Variants in ACSL3 observed in about 807,000 individuals in gnomAD.
The protein encoded by ACSL3 is fatty acid CoA ligase Acsl3.
Under a neutral mutation model 84.7 loss-of-function variants are expected in ACSL3, and 34 were observed. That is an observed-to-expected ratio of 0.40 (90% CI 0.31 to 0.53). The LOEUF (loss-of-function observed/expected upper bound fraction) is 0.53. Ranked by LOEUF, ACSL3 falls within the 20% of genes least tolerant of loss-of-function variation. The pLI is 0.48. For synonymous variants in ACSL3, 315 were observed against 299.4 expected, an observed-to-expected ratio of 1.05 and a Z score of -0.54; for missense variants, 680 against 873.1, an observed-to-expected ratio of 0.78 and a Z score of 2.79.
Position 222,934,698 on chromosome 2 carries a change from G to A in ACSL3, c.2005+11G>A, listed in dbSNP as rs774046124. 3.7e-6 allele frequency: 6 copies of A among 1,602,116 alleles called. No homozygotes were observed. The highest frequency in any genetic ancestry group is 2.7e-5 in the African/African-American group (2 of 74,470). Reference sequence around the variant, plus strand: ...AAGCTGCTATTTCAGGTGAGTATTCGGTTAAACTGATACTAAAAACTGAGA... The same window carrying A: ...AAGCTGCTATTTCAGGTGAGTATTCAGTTAAACTGATACTAAAAACTGAGA... On this transcript the variant is annotated intron_variant, in intron 16 of 16. Transcript: ENST00000357430.
rs1380809972 is a variant in ACSL3, at chr2:222,909,030, T to C, written c.258T>C (p.Asp86=). The change falls in exon 4 of 17, where the codon GAT becomes GAC. Residue 86 remains aspartate (D), a synonymous_variant. Coordinates refer to ENST00000357430, the MANE Select transcript of ACSL3 (RefSeq NM_004457.5). ...CTTCAGTATTATACCCTGGATGTGA[T>C]ACTTTAGATAAAGTTTTTACATATG... is the stretch of plus-strand genomic sequence containing the variant. The part of the protein sequence containing the change: ...GLASVLYPGC[D]TLDKVFTYAK... 1.9e-6 allele frequency: 3 copies of C among 1,613,582 alleles called. No individual in the cohort carries two copies. The highest frequency in any genetic ancestry group is 2.5e-6 in the Non-Finnish European group (3 of 1,179,860).
At chr2:222,921,052 T>C (rs1696721507) in intron 7 of ACSL3, 1 of 631,236 alleles carries the variant, frequency 1.6e-6, no homozygotes, top group Non-Finnish European at 3.0e-6. Flanking sequence ...CTTGTCTTGC[T>C]TCAGTTTTCT....
intron 1 of ACSL3, among the ~76,000 whole-genome samples, chr2:222,863,888 T>A (rs1695074162): frequency 6.6e-6 from 1 of 152,182 alleles, no homozygotes; most frequent in Admixed American, 6.6e-5. Flanking sequence ...AGGGGTACCA[T>A]GTGGCATAAA....
intron 16 of ACSL3, 80 bp from the exon 17 acceptor site, chr2:222,941,417 A>G (rs1697302836): frequency 9.3e-6 from 11 of 1,186,332 alleles, no homozygotes; most frequent in Admixed American, 5.1e-5. Context: ...TTTGATGGAT[A>G]CGCAAAAAGT....
At chr2:222,923,225 AT>A in intron 10 of ACSL3, 76 bp downstream of exon 10, 1 of 1,222,420 alleles carries the variant, frequency 8.2e-7, no homozygotes, top group East Asian at 2.4e-5. Flanking sequence ...CTAGTGAAAA[AT>A]ATATTGTTGA....
intron 11 of ACSL3, 102 bp from the exon 12 acceptor site, chr2:222,926,915 A>T: frequency 7.8e-7 from 1 of 1,284,686 alleles, no homozygotes; most frequent in Non-Finnish European, 1.1e-6. Flanking sequence ...TAAGTAACTT[A>T]ATCTCAAAAT....
intron 3 of ACSL3, among the ~76,000 whole-genome samples, chr2:222,904,270 TC>T (rs1161525653): frequency 8.1e-6 from 1 of 123,586 alleles, no homozygotes; most frequent in Non-Finnish European, 1.6e-5. Flanking sequence ...AAACTCCATC[TC>T]AAAAAACAAA....
intron 3 of ACSL3, among the ~76,000 whole-genome samples, chr2:222,907,267 A>G (rs1019911442): frequency 6.6e-6 from 1 of 152,212 alleles, no homozygotes; most frequent in African/African-American, 2.4e-5. Flanking sequence ...CTGCCCTAAG[A>G]ATGGGGACTG....
intron 9 of ACSL3, 96 bp from the exon 10 acceptor site, chr2:222,922,982 T>G: frequency 1.5e-6 from 2 of 1,339,098 alleles, no homozygotes; most frequent in Non-Finnish European, 2.1e-6. Flanking sequence ...TGTAAGTACA[T>G]TAAAATAATT....
At chr2:222,880,863 A>AT (rs1047009738) in intron 1 of ACSL3, among the ~76,000 whole-genome samples, 1 of 150,810 alleles carries the variant, frequency 6.6e-6, no homozygotes, top group African/African-American at 2.4e-5. Context: ...AAACCTGTCT[A>AT]TTTTTATTAT....
intron 16 of ACSL3, among the ~76,000 whole-genome samples, chr2:222,940,109 T>C (rs1474770353): frequency 6.6e-6 from 1 of 152,220 alleles, no homozygotes; most frequent in Non-Finnish European, 1.5e-5. Flanking sequence ...TAATCTCCTT[T>C]AAATGTTTTC....
At chr2:222,883,642 G>A (rs768983733) in intron 1 of ACSL3, among the ~76,000 whole-genome samples, 9 of 152,134 alleles carry the variant, frequency 5.9e-5, no homozygotes, top group Non-Finnish European at 1.5e-5. Context: ...ATATTATATT[G>A]CAGTGTGCTT....
chr2:222,918,209 A>G, intron 6 of ACSL3, 54 bp downstream of exon 6: 1 of 1,202,774 alleles, frequency 8.3e-7, no homozygotes, highest in South Asian at 1.3e-5. Context: ...TTTCAGTGTC[A>G]TGAGCCCTAT....
chr2:222,880,831 CA>C lies in ACSL3; in HGVS notation c.-206-6985del, dbSNP rs34509695. Reference sequence around the variant, plus strand: ...GGTGACAGAGCGAGACTCTGTCTCCCAAAAAAAAAAAAAACAAAAAAAAACC... The same window carrying C: ...GGTGACAGAGCGAGACTCTGTCTCCCAAAAAAAAAAAAACAAAAAAAAACC... On this transcript the variant is annotated intron_variant, in intron 1 of 16. Coordinates refer to ENST00000357430, the MANE Select transcript of ACSL3 (RefSeq NM_004457.5). Among the ~76,000 whole-genome samples, 201 of 75,658 alleles carry C rather than the reference CA, an allele frequency of 2.7e-3. No homozygotes were observed. The Middle Eastern group carries it at 0.055, about 21-fold the overall frequency. 49.6% of individuals were successfully genotyped at this position (75,658 alleles called of 152,430 possible).
In ACSL3 at chr2:222,918,164, T is replaced by G. The variant is rs2165232; in HGVS notation, c.666+9T>G. On this transcript the variant is annotated intron_variant, in intron 6 of 16. Transcript: ENST00000357430. ...TACAAACAAAGTTGAAGGTGAGGAC[T>G]CTAGTTACTTTCTAACTGTCTGATA... 1,053 of 1,562,470 alleles carry G rather than the reference T, an allele frequency of 6.7e-4. 8 individuals carry two copies. In the African/African-American group the frequency reaches 0.013, roughly 19 times the overall value.
chr2:222,931,467 C>T (rs1195681884), intron 14 of ACSL3, among the ~76,000 whole-genome samples: 1 of 151,900 alleles, frequency 6.6e-6, no homozygotes, highest in Non-Finnish European at 1.5e-5. Flanking sequence ...AACTAGAAAC[C>T]TGGGAGGAGA....
intron 11 of ACSL3, among the ~76,000 whole-genome samples, chr2:222,925,020 G>C: frequency 1.0e-5 from 1 of 97,438 alleles, no homozygotes; most frequent in South Asian, 4.5e-4. Flanking sequence ...GACAGAGCGA[G>C]AATCCGTCTC....
rs1697333558 is a variant in ACSL3, at chr2:222,942,322, G to A, written c.*668G>A. 1 of 187,694 alleles carries A rather than the reference G, an allele frequency of 5.3e-6. No individual in the cohort carries two copies. Among genetic ancestry groups the A allele is most frequent in the Admixed American group, 6.2e-5 (1 of 16,198 alleles). 11.6% of individuals were successfully genotyped at this position (187,694 alleles called of 1,614,324 possible). ...GGTTGGTGATGCATGAAACAAAATA[G>A]CAAGAGAGGGTTATAGTTTAATAGT... On this transcript the variant is annotated 3_prime_UTR_variant, in exon 17 of 17. Transcript: ENST00000357430.
At chr2:222,877,144 G>T (rs1695469908) in intron 1 of ACSL3, among the ~76,000 whole-genome samples, 1 of 152,140 alleles carries the variant, frequency 6.6e-6, no homozygotes, top group Non-Finnish European at 1.5e-5. Context: ...GCAGGGGGAG[G>T]CCTGATAGAT....
Sources: allele counts gnomAD v4.1 joint callset (sites outside exome capture counted in the v4.1 genomes callset), GRCh38; gene constraint gnomAD v4.1.1; transcripts MANE v1.5; gene names NCBI Gene and HGNC (gene_info 2026-07-23, HGNC 2026-07-21).